PTPRD: variants seen among roughly 807,000 people sequenced by gnomAD.
The protein encoded by PTPRD is receptor-type tyrosine-protein phosphatase delta.
Under a neutral mutation model 214.5 loss-of-function variants are expected in PTPRD, and 34 were observed. That is an observed-to-expected ratio of 0.16 (90% confidence interval 0.12 to 0.21). The LOEUF (loss-of-function observed/expected upper bound fraction) is 0.21. Ranked by LOEUF, PTPRD falls within the 10% of genes least tolerant of loss-of-function variation. The pLI is 1.00. For missense variants in PTPRD, 2,545 were observed against 2,398.7 expected (o/e 1.06, Z -1.27); for synonymous variants, 1,128 against 845.7 (o/e 1.33, Z -5.79).
intron 11 of PTPRD, among the ~76,000 whole-genome samples, chr9:8,993,635 G>A (rs1337002155): frequency 6.6e-6 from 1 of 152,080 alleles, no homozygotes; most frequent in Non-Finnish European, 1.5e-5. Context: ...TTTTTCCTGA[G>A]CTTAAATGGA....
At chr9:10,213,227 G>A (rs1381048987) in intron 3 of PTPRD, among the ~76,000 whole-genome samples, 4 of 151,798 alleles carry the variant, frequency 2.6e-5, no homozygotes, top group African/African-American at 9.7e-5. Flanking sequence ...TTTCTGTATT[G>A]TATTCACTAG....
chr9:9,543,033 A>G lies in PTPRD; in HGVS notation c.-237+31699T>C, dbSNP rs947638498. Reference sequence around the variant, plus strand: ...TCCACAAAAATCTTGTGTGAGAATAATCATACCAATTGAAAACAATGCAAG... The same window carrying G: ...TCCACAAAAATCTTGTGTGAGAATAGTCATACCAATTGAAAACAATGCAAG... On this transcript the variant is annotated intron_variant, in intron 8 of 45. Coordinates refer to ENST00000381196, the MANE Select transcript of PTPRD (RefSeq NM_002839.4). Among the ~76,000 whole-genome samples the G allele has an allele frequency of 3.2e-4, 48 of 151,722 alleles. 1 individual carries two copies. The highest frequency in any genetic ancestry group is 9.4e-4 in the African/African-American group (39 of 41,378).
intron 3 of PTPRD, among the ~76,000 whole-genome samples, chr9:10,261,163 G>A (rs1595606311): frequency 6.6e-6 from 1 of 150,462 alleles, no homozygotes; most frequent in African/African-American, 2.4e-5. Flanking sequence ...AACTTTTAAA[G>A]ACTGGATCCA....
At chr9:8,990,164 A>C (rs2154346807) in intron 11 of PTPRD, among the ~76,000 whole-genome samples, 1 of 152,306 alleles carries the variant, frequency 6.6e-6, no homozygotes, top group South Asian at 2.1e-4. Context: ...TAAGAGTACA[A>C]GTTTACATGG....
intron 14 of PTPRD, among the ~76,000 whole-genome samples, chr9:8,571,775 C>T (rs1390323798): frequency 6.6e-6 from 1 of 152,008 alleles, no homozygotes; most frequent in Non-Finnish European, 1.5e-5. Context: ...GCCTTCAACC[C>T]TGTGACACTA....
chr9:8,571,447 A>C (rs2091118419), intron 14 of PTPRD, among the ~76,000 whole-genome samples: 2 of 152,166 alleles, frequency 1.3e-5, no homozygotes, highest in South Asian at 4.1e-4. Flanking sequence ...AAAGTTTGGC[A>C]TGCAGAACAC....
At chr9:10,034,303 C>T (rs1254109414) in intron 3 of PTPRD, among the ~76,000 whole-genome samples, 1 of 151,804 alleles carries the variant, frequency 6.6e-6, no homozygotes, top group African/African-American at 2.4e-5. Context: ...ACGATAATCT[C>T]TGATTATTTA....
chr9:9,372,752 G>A (rs1048359625), intron 9 of PTPRD, among the ~76,000 whole-genome samples: 7 of 152,216 alleles, frequency 4.6e-5, no homozygotes, highest in Admixed American at 2.6e-4. Flanking sequence ...GGCTGGTACT[G>A]GTTGTTCCTT....
chr9:9,594,365 G>C (rs974510339), intron 7 of PTPRD, among the ~76,000 whole-genome samples: 2 of 151,908 alleles, frequency 1.3e-5, no homozygotes, highest in African/African-American at 4.8e-5. Flanking sequence ...CGCTTAGAAG[G>C]GTTTTTCCAA....
intron 4 of PTPRD, among the ~76,000 whole-genome samples, chr9:9,939,120 G>T (rs2090605796): frequency 6.6e-6 from 1 of 151,914 alleles, no homozygotes; most frequent in South Asian, 2.1e-4. Flanking sequence ...CAACTTGAGA[G>T]ACACTGATAA....
At chr9:9,029,778 C>T (rs1467111343) in intron 10 of PTPRD, among the ~76,000 whole-genome samples, 1 of 151,746 alleles carries the variant, frequency 6.6e-6, no homozygotes, top group African/African-American at 2.4e-5. Context: ...AGGTAGGTGG[C>T]TGAGTCTGAT....
intron 10 of PTPRD, among the ~76,000 whole-genome samples, chr9:9,048,003 C>T (rs2099676441): frequency 6.6e-6 from 1 of 152,064 alleles, no homozygotes; most frequent in Non-Finnish European, 1.5e-5. Flanking sequence ...TTTGAATAGA[C>T]ATTTCTCAAA....
intron 39 of PTPRD, among the ~76,000 whole-genome samples, chr9:8,352,893 A>C (rs10815831): frequency 0.67 from 102,402 of 151,950 alleles, 35,716 homozygotes; most frequent in Non-Finnish European, 0.78. Flanking sequence ...CGGACGGATC[A>C]CGAAGTTAAG....
chr9:8,684,779 C>G (rs549423840), intron 12 of PTPRD, among the ~76,000 whole-genome samples: 1 of 152,044 alleles, frequency 6.6e-6, no homozygotes, highest in African/African-American at 2.4e-5. Flanking sequence ...ACAGATTGCA[C>G]TTTGACAAAA....
intron 3 of PTPRD, among the ~76,000 whole-genome samples, chr9:10,307,004 T>C (rs1196303768): frequency 1.3e-5 from 2 of 152,180 alleles, no homozygotes; most frequent in African/African-American, 4.8e-5. Flanking sequence ...GCATAGAATA[T>C]GTAATAATCA....
chr9:10,039,093 T>A (rs1477584962), intron 3 of PTPRD, among the ~76,000 whole-genome samples: 1 of 152,102 alleles, frequency 6.6e-6, no homozygotes, highest in East Asian at 1.9e-4. Flanking sequence ...GTACGTAGGT[T>A]TGTTGTTCAC....
chr9:8,920,606 AT>A (rs2098820768), intron 11 of PTPRD, among the ~76,000 whole-genome samples: 1 of 152,062 alleles, frequency 6.6e-6, no homozygotes, highest in African/African-American at 2.4e-5. Flanking sequence ...TTGCAAAAAA[AT>A]CTCATAATGT....
intron 11 of PTPRD, among the ~76,000 whole-genome samples, chr9:8,828,502 G>C (rs1338214443): frequency 6.6e-6 from 1 of 152,138 alleles, no homozygotes; most frequent in Non-Finnish European, 1.5e-5. Flanking sequence ...CCAGAACTGT[G>C]AGAAATAATG....
intron 11 of PTPRD, among the ~76,000 whole-genome samples, chr9:8,935,801 T>G (rs2098992977): frequency 6.6e-6 from 1 of 152,210 alleles, no homozygotes. Context: ...GTAATTTCAT[T>G]CTCTTCTCAT....
Sources: gnomAD v4.1 joint callset for allele counts (sites outside exome capture counted in the v4.1 genomes callset) on GRCh38, gnomAD v4.1.1 for gene constraint, MANE v1.5 for transcripts, NCBI Gene and HGNC (gene_info 2026-07-23, HGNC 2026-07-21) for gene names.